The following DNAH11 variants were observed in gnomAD, a reference collection of about 807,000 sequenced individuals.
DNAH11 encodes the protein axonemal beta dynein heavy chain 11.
Under a neutral mutation model 526.0 loss-of-function variants are expected in DNAH11, and 442 were observed. The observed-to-expected ratio is 0.84, with a 90% CI of 0.78 to 0.91. The LOEUF (loss-of-function observed/expected upper bound fraction) is 0.91. DNAH11 is among the 40% of genes least tolerant of loss of function. The pLI is 0.00. For missense variants in DNAH11, 6,989 were observed against 5,448.7 expected (o/e 1.28, Z -8.90); for synonymous variants, 2,461 against 1,935.9 (o/e 1.27, Z -7.12).
intron 66 of DNAH11, among the ~76,000 whole-genome samples, chr7:21,843,337 G>A (rs1370256323): frequency 6.6e-6 from 1 of 152,136 alleles, no homozygotes; most frequent in Non-Finnish European, 1.5e-5. Flanking sequence ...TCTTTGGCAA[G>A]AAGGGGTGAG....
At chr7:21,813,033 C>T (rs1169234832) in intron 63 of DNAH11, among the ~76,000 whole-genome samples, 2 of 152,140 alleles carry the variant, frequency 1.3e-5, no homozygotes, top group African/African-American at 2.4e-5. Context: ...AAAGTACAAC[C>T]ATGGGGCATG....
intron 63 of DNAH11, among the ~76,000 whole-genome samples, chr7:21,810,504 A>G (rs1789468626): frequency 6.6e-6 from 1 of 152,216 alleles, no homozygotes; most frequent in Non-Finnish European, 1.5e-5. Flanking sequence ...AAGCTGGCCA[A>G]ACCAAAGGAA....
chr7:21,763,603 C>CA (rs1787028841), intron 54 of DNAH11, among the ~76,000 whole-genome samples: 1 of 151,168 alleles, frequency 6.6e-6, no homozygotes, highest in South Asian at 2.1e-4. Flanking sequence ...GGTCGTTCCT[C>CA]AAAAAATTGA....
intron 67 of DNAH11, 96 bp downstream of exon 67, chr7:21,852,727 G>C (rs972287591): frequency 5.7e-5 from 75 of 1,310,044 alleles, no homozygotes; most frequent in Middle Eastern, 2.5e-4. Flanking sequence ...ATTCCTCTAA[G>C]AGGACCAGCG....
intron 30 of DNAH11, among the ~76,000 whole-genome samples, chr7:21,668,551 T>C (rs1416975515): frequency 6.6e-6 from 1 of 152,200 alleles, no homozygotes; most frequent in Admixed American, 6.5e-5. Context: ...GTGAGTCTCA[T>C]GTCTTCTGCC....
At chr7:21,591,712 T>G (rs965821007) in intron 14 of DNAH11, 135 bp downstream of exon 14, 25 of 879,704 alleles carry the variant, frequency 2.8e-5, no homozygotes, top group Non-Finnish European at 3.4e-5. Context: ...ATTAGGCATT[T>G]AAAGTGGAGG....
intron 66 of DNAH11, among the ~76,000 whole-genome samples, chr7:21,849,636 T>C (rs1374133483): frequency 5.3e-5 from 8 of 152,212 alleles, no homozygotes; most frequent in Non-Finnish European, 2.9e-5. Flanking sequence ...AATATTTTAC[T>C]CAACTCTCCT....
intron 54 of DNAH11, among the ~76,000 whole-genome samples, chr7:21,751,392 C>T (rs1271957433): frequency 1.3e-5 from 2 of 152,142 alleles, no homozygotes; most frequent in African/African-American, 4.8e-5. Flanking sequence ...ATTGGCTGCT[C>T]TGTGCTATAG....
At chr7:21,567,345 T>TA (rs1448093751) in intron 6 of DNAH11, among the ~76,000 whole-genome samples, 3 of 152,234 alleles carry the variant, frequency 2.0e-5, no homozygotes, top group African/African-American at 7.2e-5. Flanking sequence ...AATTTATTGA[T>TA]AAAGTTTTTG....
intron 65 of DNAH11, among the ~76,000 whole-genome samples, chr7:21,825,789 C>T (rs1790262516): frequency 1.3e-5 from 2 of 151,988 alleles, no homozygotes; most frequent in Non-Finnish European, 2.9e-5. Context: ...GAAACCCCTT[C>T]TCTACTAAAA....
intron 7 of DNAH11, 185 bp downstream of exon 7, chr7:21,570,484 T>C: frequency 2.1e-6 from 1 of 480,024 alleles, no homozygotes; most frequent in Non-Finnish European, 3.6e-6. Flanking sequence ...AAATCTTTAA[T>C]TTGGATTTTT....
chr7:21,713,916 A>T (rs1261900059), intron 42 of DNAH11, among the ~76,000 whole-genome samples: 4 of 152,096 alleles, frequency 2.6e-5, no homozygotes, highest in Non-Finnish European at 5.9e-5. Flanking sequence ...GTCTCCTGGG[A>T]TGCTTCTATT....
chr7:21,759,842 C>T (rs886571423), intron 54 of DNAH11, among the ~76,000 whole-genome samples: 1 of 152,142 alleles, frequency 6.6e-6, no homozygotes, highest in Admixed American at 6.6e-5. Context: ...AAGTGGACTC[C>T]TGCAAATGAG....
chr7:21,897,066 C>A (rs1442122168), intron 79 of DNAH11, among the ~76,000 whole-genome samples: 1 of 152,090 alleles, frequency 6.6e-6, no homozygotes, highest in Non-Finnish European at 1.5e-5. Flanking sequence ...CAGAGCAAGA[C>A]CCTGTCTCAA....
At chr7:21,635,468 A>G (rs771679520) in intron 25 of DNAH11, among the ~76,000 whole-genome samples, 6 of 151,944 alleles carry the variant, frequency 3.9e-5, no homozygotes, top group South Asian at 2.1e-4. Flanking sequence ...TTTTTTTAAG[A>G]TTAATAAACA....
At chr7:21,748,945 G>GT (rs2128492697) in intron 52 of DNAH11, among the ~76,000 whole-genome samples, 1 of 152,246 alleles carries the variant, frequency 6.6e-6, no homozygotes, top group East Asian at 1.9e-4. Flanking sequence ...ATTTCTACAA[G>GT]TTTTGTGTAG....
chr7:21,654,486 T>C (rs1378052269), intron 28 of DNAH11, among the ~76,000 whole-genome samples: 3 of 152,236 alleles, frequency 2.0e-5, no homozygotes, highest in Non-Finnish European at 4.4e-5. Flanking sequence ...CCATTCATCA[T>C]TTGATGGACA....
At chr7:21,874,127 T>A (rs1040536968) in intron 74 of DNAH11, among the ~76,000 whole-genome samples, 1 of 152,066 alleles carries the variant, frequency 6.6e-6, no homozygotes, top group Non-Finnish European at 1.5e-5. Flanking sequence ...GGCACACTAG[T>A]ATCTCTGACC....
At position 21,545,108 on chromosome 7, in the gene DNAH11, C is replaced by A. The variant is rs746622545; in HGVS notation, c.454C>A (p.Pro152Thr). Reference sequence around the variant, plus strand: ...TCAAGTGGTTTTATTTGGAGAGTTACCTGCGTTGTCTCTTGGACATGTATC... The same window carrying A: ...TCAAGTGGTTTTATTTGGAGAGTTAACTGCGTTGTCTCTTGGACATGTATC... The part of the protein sequence containing the change: ...FSQVVLFGEL[P>T]ALSLGHVSAF... The change falls in exon 2 of 82, where the codon CCT becomes ACT. Residue 152 changes from proline to threonine, a missense_variant. Coordinates refer to ENST00000409508, the MANE Select transcript of DNAH11 (RefSeq NM_001277115.2). The A allele has an allele frequency of 6.2e-7, 1 of 1,610,562 alleles. No homozygotes were observed. The highest frequency in any genetic ancestry group is 2.2e-5 in the East Asian group (1 of 44,812).
Sources: allele counts gnomAD v4.1 joint callset (sites outside exome capture counted in the v4.1 genomes callset), GRCh38; gene constraint gnomAD v4.1.1; transcripts MANE v1.5; gene names NCBI Gene and HGNC (gene_info 2026-07-23, HGNC 2026-07-21).